FER1L6: variants seen among roughly 807,000 people sequenced by gnomAD.
FER1L6 encodes fer-1 like family member 6, also known as fer-1-like protein 6.
A neutral mutation model predicts 219.2 loss-of-function variants in FER1L6; 177 were observed. That is an observed-to-expected ratio of 0.81 (90% CI 0.71 to 0.91). The LOEUF (loss-of-function observed/expected upper bound fraction) is 0.91, where lower values mean the gene tolerates loss of function less well. Among genes scored for constraint, FER1L6 ranks in the 40% least tolerant of loss-of-function variants. The pLI is 0.00. For missense variants in FER1L6, 2,153 were observed against 2,259.9 expected (o/e 0.95, Z 0.96); for synonymous variants, 768 against 824.3 (o/e 0.93, Z 1.17).
rs571104930 is a variant in FER1L6 at position 123,970,176 on chromosome 8, G to A, written c.447+79G>A. On this transcript the variant is annotated intron_variant, in intron 6 of 40. Coordinates refer to ENST00000522917, the MANE Select transcript of FER1L6 (RefSeq NM_001039112.2). ...ATTGGGGACTCTCTGGGACAACTCAGCATACTTAGCGGGGAATAGATTCAG... is the reference window on the plus strand; with the variant it reads ...ATTGGGGACTCTCTGGGACAACTCAACATACTTAGCGGGGAATAGATTCAG... 502 of 1,268,948 alleles carry A rather than the reference G, an allele frequency of 4.0e-4. 10 individuals carry two copies. The South Asian group carries it at 5.7e-3, about 15-fold the overall frequency. The allele number at this position is 1,268,948 out of a possible 1,614,324, so 78.6% of individuals were successfully genotyped here. A position where few individuals can be genotyped will look rare whatever the true frequency, so the allele number is the denominator to read the frequency against.
At chr8:123,934,072 C>G (rs1813889091) in intron 1 of FER1L6, among the ~76,000 whole-genome samples, 1 of 152,136 alleles carries the variant, frequency 6.6e-6, no homozygotes, top group Admixed American at 6.5e-5. Context: ...GGCCACAATA[C>G]TCCCTCCACT....
In FER1L6 at chr8:124,083,907, G is replaced by A. The variant is rs147039596; in HGVS notation, c.4391+1449G>A. Among the ~76,000 whole-genome samples, 810 of 152,194 alleles carry A rather than the reference G, an allele frequency of 5.3e-3. 16 individuals carry two copies. The highest frequency in any genetic ancestry group is 0.019 in the African/African-American group (771 of 41,550). On this transcript the variant is annotated intron_variant, in intron 33 of 40. Transcript: ENST00000522917. Reference sequence around the variant, plus strand: ...ACTGATTCTTCCAATCCATGAACATGGAATATGTCTGTGGTTTTTTGTATC... The same window carrying A: ...ACTGATTCTTCCAATCCATGAACATAGAATATGTCTGTGGTTTTTTGTATC...
At chr8:124,083,471 T>C (rs192041529) in intron 33 of FER1L6, among the ~76,000 whole-genome samples, 1 of 152,298 alleles carries the variant, frequency 6.6e-6, no homozygotes, top group East Asian at 1.9e-4. Context: ...GCACCATTTA[T>C]TGAAGAGACT....
At chr8:124,025,114 T>A (rs1225902430) in intron 18 of FER1L6, among the ~76,000 whole-genome samples, 3 of 152,214 alleles carry the variant, frequency 2.0e-5, no homozygotes, top group Non-Finnish European at 4.4e-5. Flanking sequence ...CTTTATGGAA[T>A]GCATAATTTG....
chr8:124,087,702 T>C (rs932741851), intron 33 of FER1L6, among the ~76,000 whole-genome samples: 1 of 152,164 alleles, frequency 6.6e-6, no homozygotes, highest in African/African-American at 2.4e-5. Flanking sequence ...TGCGCTTGTT[T>C]GTACCCATCC....
At position 124,101,410 on chromosome 8, in the gene FER1L6, G is replaced by T. The variant is rs151210837; in HGVS notation, c.5125+72G>T. The T allele has an allele frequency of 6.3e-5, 89 of 1,409,982 alleles. 1 individual carries two copies. The African/African-American group carries it at 1.0e-3, about 16-fold the overall frequency. 87.3% of individuals were successfully genotyped at this position (1,409,982 alleles called of 1,614,324 possible). On this transcript the variant is annotated intron_variant, in intron 38 of 40. Transcript: ENST00000522917. ...TCTCAGCTTTTGGAGAGCTTGGTCT[G>T]ATTTAGTTACAAGACTAATAATTTC...
At chr8:123,944,159 A>G (rs1814379809) in intron 1 of FER1L6, among the ~76,000 whole-genome samples, 1 of 152,098 alleles carries the variant, frequency 6.6e-6, no homozygotes, top group Non-Finnish European at 1.5e-5. Flanking sequence ...TTTTAGCCCA[A>G]TGCATGGCTC....
intron 1 of FER1L6, among the ~76,000 whole-genome samples, chr8:123,948,616 A>G (rs1469658131): frequency 4.6e-5 from 7 of 151,908 alleles, no homozygotes; most frequent in Non-Finnish European, 8.8e-5. Context: ...TTAATTTATG[A>G]TTCTTTGTTT....
intron 1 of FER1L6, among the ~76,000 whole-genome samples, chr8:123,930,454 A>G (rs1813726324): frequency 6.6e-6 from 1 of 152,190 alleles, no homozygotes; most frequent in South Asian, 2.1e-4. Context: ...ACATAAACAC[A>G]TGCGTAGTGG....
chr8:124,119,597 T>TC lies in FER1L6; in HGVS notation c.5391-5dup. 2 of 1,595,588 alleles carry TC rather than the reference T, an allele frequency of 1.3e-6. No homozygotes were observed. The highest frequency in any genetic ancestry group is 1.7e-6 in the Non-Finnish European group (2 of 1,164,548). ...GCCCCCTTTTTGATTTTCTCTTCCT[T>TC]CCCCCTCAGCCGCCCAGACACCTCC... On this transcript the variant is annotated splice_polypyrimidine_tract_variant and intron_variant, in intron 40 of 40. Coordinates refer to ENST00000522917, the MANE Select transcript of FER1L6 (RefSeq NM_001039112.2).
Position 124,049,608 on chromosome 8 carries a change from G to A in FER1L6, c.2726G>A (p.Gly909Glu). 1.9e-6 allele frequency: 3 copies of A among 1,613,744 alleles called. No individual in the cohort carries two copies. The highest frequency in any genetic ancestry group is 2.5e-6 in the Non-Finnish European group (3 of 1,179,938). The change falls in exon 22 of 41, where the codon GGG (glycine) becomes GAG (glutamate). Residue 909 changes from glycine (G) to glutamate (E), a missense_variant and splice_region_variant. Gly to Glu is a moderately conservative substitution (Grantham distance 98). Transcript: ENST00000522917. ...AAACTCATTTCTTTTCTTCTTTAGG[G>A]GAAGCCAGAATATTTGGGTGCCACA... ...VVELYDSDAV[G>E]KPEYLGATVA...
chr8:123,972,799 C>T (rs1490936888), intron 6 of FER1L6, among the ~76,000 whole-genome samples: 1 of 152,180 alleles, frequency 6.6e-6, no homozygotes, highest in Non-Finnish European at 1.5e-5. Context: ...AACTTTTCTC[C>T]TGGTTCTTCA....
chr8:123,865,819 A>G (rs1816826639), intron 1 of FER1L6, among the ~76,000 whole-genome samples: 1 of 151,408 alleles, frequency 6.6e-6, no homozygotes, highest in Non-Finnish European at 1.5e-5. Context: ...AGGTGAGGCA[A>G]TGCCTCGCCC....
intron 11 of FER1L6, among the ~76,000 whole-genome samples, chr8:123,981,710 G>T (rs1816333583): frequency 6.6e-6 from 1 of 151,994 alleles, no homozygotes; most frequent in South Asian, 2.1e-4. Flanking sequence ...GTAGGGGAGT[G>T]GTTGGAGCAT....
chr8:124,035,624 C>A (rs1586619890), intron 19 of FER1L6, among the ~76,000 whole-genome samples, 170 bp downstream of exon 19: 2 of 152,272 alleles, frequency 1.3e-5, no homozygotes, highest in African/African-American at 4.8e-5. Flanking sequence ...CTTTCATTGT[C>A]CCATCTAAAA....
At chr8:124,013,057 T>G (rs1481908699) in intron 14 of FER1L6, among the ~76,000 whole-genome samples, 6 of 152,220 alleles carry the variant, frequency 3.9e-5, no homozygotes, top group Non-Finnish European at 5.9e-5. Flanking sequence ...GACTTGAACA[T>G]TACTTTTGAA....
intron 38 of FER1L6, 115 bp from the exon 39 acceptor site, chr8:124,103,031 C>T (rs1160969177): frequency 1.1e-5 from 11 of 959,302 alleles, no homozygotes; most frequent in Non-Finnish European, 1.8e-5. Flanking sequence ...CAATATGGTA[C>T]TGATTGAATG....
In FER1L6 at chr8:124,064,539, T is replaced by C. The variant is rs779001580; in HGVS notation, c.3521T>C (p.Val1174Ala). ...ATGCTGGAGCCTGAACACACACCTG[T>C]AGCCCAGGAGCCACCAAAAGATGGA... ...SPMLEPEHTPVAQEPPKDGKP... is the reference protein window; with the variant it reads ...SPMLEPEHTPAAQEPPKDGKP... Residue 1174 changes from valine to alanine, a missense_variant, in exon 26 of 41, where the codon GTA becomes GCA. Transcript: ENST00000522917. The C allele has an allele frequency of 1.9e-6, 3 of 1,612,006 alleles. No homozygotes were observed. The African/African-American group carries it at 4.0e-5, about 22-fold the overall frequency.
At chr8:124,112,360 T>C (rs1001645752) in intron 39 of FER1L6, among the ~76,000 whole-genome samples, 1 of 152,172 alleles carries the variant, frequency 6.6e-6, no homozygotes, top group African/African-American at 2.4e-5. Context: ...GTGTGGAATG[T>C]GGAATGTGGC....
Sources: gnomAD v4.1 joint callset for allele counts (sites outside exome capture counted in the v4.1 genomes callset) on GRCh38, gnomAD v4.1.1 for gene constraint, MANE v1.5 for transcripts, NCBI Gene and HGNC (gene_info 2026-07-23, HGNC 2026-07-21) for gene names.